The following KIFC3 variants were observed in gnomAD, a reference collection of about 807,000 sequenced individuals.
KIFC3 encodes the protein kinesin-like protein KIFC3.
A neutral mutation model predicts 101.8 loss-of-function variants in KIFC3; 60 were observed. That is an observed-to-expected ratio of 0.59 (90% CI 0.48 to 0.73). KIFC3 has a LOEUF of 0.73. Ranked by LOEUF, KIFC3 falls within the 30% of genes least tolerant of loss-of-function variation. KIFC3 has a pLI of 0.00. For missense variants in KIFC3, 966 were observed against 1,137.1 expected (o/e 0.85, Z 2.16); for synonymous variants, 476 against 482.7 (o/e 0.99, Z 0.18).
intron 1 of KIFC3, among the ~76,000 whole-genome samples, chr16:57,821,745 T>G (rs1330588552): frequency 1.3e-5 from 2 of 151,960 alleles, no homozygotes; most frequent in Non-Finnish European, 2.9e-5. Context: ...ATTCCTGAAG[T>G]TAAAAAAAGA....
rs782525212 is a variant in KIFC3, at chr16:57,758,894, A to T, written c.*40T>A. On this transcript the variant is annotated 3_prime_UTR_variant, in exon 20 of 20. Transcript: ENST00000445690. ...GCGGGGTCACATCCGTCACACAGGC[A>T]GTGGCCGCGACTTCCCTGCAGGGGC... 3 of 1,585,998 alleles carry T rather than the reference A, an allele frequency of 1.9e-6. No homozygotes were observed. In the East Asian group the frequency reaches 6.7e-5, roughly 36 times the overall value.
chr16:57,862,119 C>T (rs1334139375), intron 1 of KIFC3, among the ~76,000 whole-genome samples: 3 of 151,506 alleles, frequency 2.0e-5, no homozygotes, highest in Non-Finnish European at 2.9e-5. Context: ...AGCTTTTTGA[C>T]GTCCTTATTA....
At chr16:57,855,270 G>T (rs780763292) in intron 1 of KIFC3, among the ~76,000 whole-genome samples, 1 of 151,758 alleles carries the variant, frequency 6.6e-6, no homozygotes, top group Non-Finnish European at 1.5e-5. Flanking sequence ...GATTACAGGC[G>T]TGCCCCACCA....
chr16:57,761,667 C>T (rs2049874280), intron 13 of KIFC3, 131 bp from the exon 14 acceptor site: 2 of 975,596 alleles, frequency 2.1e-6, no homozygotes, highest in Non-Finnish European at 3.1e-6. Context: ...GAGTGCATCT[C>T]TCCTCCTCCA....
At position 57,758,787 on chromosome 16, in the gene KIFC3, A is replaced by C. The variant is rs1484656506; in HGVS notation, c.*147T>G. 1 of 1,258,214 alleles carries C rather than the reference A, an allele frequency of 7.9e-7. No individual in the cohort carries two copies. The highest frequency in any genetic ancestry group is 1.2e-6 in the Non-Finnish European group (1 of 863,554). 77.9% of individuals were successfully genotyped at this position (1,258,214 alleles called of 1,614,324 possible). ...CTTTGAGGGGAGACGGGGCAGAAGA[A>C]GAGCCTCCACTCTCGCCTCTACCTC... is the stretch of plus-strand genomic sequence containing the variant. On this transcript the variant is annotated 3_prime_UTR_variant, in exon 20 of 20. Transcript: ENST00000445690.
chr16:57,820,487 C>A (rs1403306249), intron 1 of KIFC3, among the ~76,000 whole-genome samples: 1 of 152,038 alleles, frequency 6.6e-6, no homozygotes, highest in Non-Finnish European at 1.5e-5. Flanking sequence ...GTTTTGTTGC[C>A]CAGGCTTGTC....
intron 1 of KIFC3, chr16:57,813,721 C>T (rs1403440631): frequency 2.0e-6 from 2 of 981,996 alleles, no homozygotes; most frequent in Non-Finnish European, 2.4e-6. Context: ...GGGCACCACT[C>T]ATGCAGGTGG....
chr16:57,798,415 A>C lies in KIFC3; in HGVS notation c.-39-133T>G, dbSNP rs1364206520. On this transcript the variant is annotated intron_variant, in intron 1 of 19. Transcript: ENST00000445690. ...TACCCAGCGCAGCAGCTCCAACTGC[A>C]CTGTCCCCCAAAGACCCTAGGGCTC... 1.3e-5 allele frequency: 10 copies of C among 784,346 alleles called. No homozygotes were observed. The Admixed American group carries it at 1.7e-4, about 14-fold the overall frequency. 48.6% of individuals were successfully genotyped at this position (784,346 alleles called of 1,614,324 possible). A position where few individuals can be genotyped will look rare whatever the true frequency, so the allele number is the denominator to read the frequency against.
chr16:57,836,093 C>T (rs1205781900), intron 1 of KIFC3, among the ~76,000 whole-genome samples: 2 of 152,120 alleles, frequency 1.3e-5, no homozygotes, highest in South Asian at 2.1e-4. Context: ...TCTCAGGGAA[C>T]TCAAAGGGTG....
intron 1 of KIFC3, among the ~76,000 whole-genome samples, chr16:57,849,716 A>G (rs1438030661): frequency 2.0e-5 from 3 of 152,018 alleles, no homozygotes; most frequent in African/African-American, 7.2e-5. Context: ...CAGCCTGGCC[A>G]GCATGATAAA....
At chr16:57,828,942 T>C (rs902888137) in intron 1 of KIFC3, among the ~76,000 whole-genome samples, 2 of 152,186 alleles carry the variant, frequency 1.3e-5, no homozygotes, top group Non-Finnish European at 2.9e-5. Context: ...ATGCTGTTGC[T>C]ATACCCATTT....
intron 1 of KIFC3, among the ~76,000 whole-genome samples, chr16:57,831,955 T>G (rs1461714213): frequency 6.6e-6 from 1 of 152,172 alleles, no homozygotes; most frequent in African/African-American, 2.4e-5. Flanking sequence ...GGATACAAAA[T>G]GAATTAAACA....
intron 17 of KIFC3, 44 bp downstream of exon 17, chr16:57,760,238 C>G (rs2049677408): frequency 6.3e-7 from 1 of 1,586,288 alleles, no homozygotes; most frequent in Non-Finnish European, 8.6e-7. Context: ...CCCAAAGTCT[C>G]TGACCCAGGG....
chr16:57,851,160 G>A (rs538871565), intron 1 of KIFC3, among the ~76,000 whole-genome samples: 1 of 151,886 alleles, frequency 6.6e-6, no homozygotes, highest in African/African-American at 2.4e-5. Context: ...ACAGGAGTGT[G>A]TCACCACACC....
chr16:57,816,310 G>T (rs2149268959), intron 1 of KIFC3: 1 of 1,207,364 alleles, frequency 8.3e-7, no homozygotes, highest in Admixed American at 2.3e-5. Flanking sequence ...GAAGTGCGGT[G>T]GGATCTGTCT....
In KIFC3 at chr16:57,783,603, G is replaced by A. The variant is rs990751346; in HGVS notation, c.316-11315C>T. Among the ~76,000 whole-genome samples the A allele has an allele frequency of 1.0e-3, 156 of 151,180 alleles. 2 individuals are homozygous for A. Among genetic ancestry groups the A allele is most frequent in the Admixed American group, 8.6e-4 (13 of 15,136 alleles). On this transcript the variant is annotated intron_variant, in intron 3 of 19. Transcript: ENST00000445690. ...TTCTCCTGCCTCAGCCTCCCAAGTA[G>A]TTAAGATTACAGGCGCCCGCCACCA... is the stretch of plus-strand genomic sequence containing the variant.
intron 1 of KIFC3, among the ~76,000 whole-genome samples, chr16:57,858,721 C>T (rs565129048): frequency 1.9e-4 from 29 of 152,146 alleles, no homozygotes; most frequent in African/African-American, 1.7e-4. Flanking sequence ...CTGAGGTGGA[C>T]GGATCACTTG....
intron 1 of KIFC3, 145 bp from the exon 2 acceptor site, chr16:57,798,427 A>G (rs1191297063): frequency 1.4e-6 from 1 of 724,190 alleles, no homozygotes; most frequent in Non-Finnish European, 2.3e-6. Flanking sequence ...TGTCCCCCAA[A>G]GACCCTAGGG....
At chr16:57,833,943 A>G (rs2055636146) in intron 1 of KIFC3, among the ~76,000 whole-genome samples, 1 of 145,568 alleles carries the variant, frequency 6.9e-6, no homozygotes, top group South Asian at 2.3e-4. Flanking sequence ...TCTAGGCTCA[A>G]GTTCTGCCTC....
Sources: gnomAD v4.1 joint callset for allele counts (sites outside exome capture counted in the v4.1 genomes callset) on GRCh38, gnomAD v4.1.1 for gene constraint, MANE v1.5 for transcripts, NCBI Gene and HGNC (gene_info 2026-07-23, HGNC 2026-07-21) for gene names.